The following RRAS variants were observed in gnomAD, a reference collection of about 807,000 sequenced individuals.
RRAS encodes ras-related protein R-Ras.
RRAS carries 18 observed loss-of-function variants against 23.3 expected under a neutral mutation model. The observed-to-expected ratio is 0.77, with a 90% CI of 0.53 to 1.15. The LOEUF (loss-of-function observed/expected upper bound fraction) is 1.15, where lower values mean the gene tolerates loss of function less well. Among genes scored for constraint, RRAS ranks in the 50% most tolerant of loss-of-function variants. The probability of loss-of-function intolerance (pLI) is 0.00; values close to 1 mark genes in which losing one functional copy is unlikely to be tolerated. For missense variants in RRAS, 291 were observed against 317.1 expected, an observed-to-expected ratio of 0.92 and a Z score of 0.62; for synonymous variants, 133 against 138.3, an observed-to-expected ratio of 0.96 and a Z score of 0.27.
Position 49,635,846 on chromosome 19 carries a change from G to T in RRAS, c.460C>A (p.Arg154=), listed in dbSNP as rs1476538262. ...ADLESQRQVP[R]SEASAFGASH... is the part of the protein sequence containing the mutation. The stretch of plus-strand genomic sequence containing the variant: ...GCGCCGAAGGCAGAGGCTTCTGATC[G>T]GGGGACCTGGGGGTAGGGGGGACAC... The change falls in exon 5 of 6, where the codon CGA becomes AGA. Residue 154 remains arginine (R), a synonymous_variant. Transcript: ENST00000246792. 1 of 1,554,474 alleles carries T rather than the reference G, an allele frequency of 6.4e-7. No homozygotes were observed. The highest frequency in any genetic ancestry group is 1.1e-5 in the South Asian group (1 of 88,634).
At position 49,640,076 on chromosome 19, in the gene RRAS, C is replaced by T. The variant is rs1204952035; in HGVS notation, c.23G>A (p.Gly8Glu). 1 of 1,411,596 alleles carries T rather than the reference C, an allele frequency of 7.1e-7. No individual in the cohort carries two copies. The highest frequency in any genetic ancestry group is 9.1e-7 in the Non-Finnish European group (1 of 1,096,468). 87.4% of individuals were successfully genotyped at this position (1,411,596 alleles called of 1,614,324 possible). Residue 8 changes from glycine to glutamate, a missense_variant, in exon 1 of 6, where the codon GGG (glycine) becomes GAG (glutamate). Gly to Glu is a moderately conservative substitution (Grantham distance 98). Transcript: ENST00000246792. MSSGAAS[G>E]TGRGRPRGGG... Reference sequence around the variant, plus strand: ...GCCCCGGGGCCGCCCCCGCCCTGTCCCGGACGCCGCCCCGCTGCTCATGTC... The same window carrying T: ...GCCCCGGGGCCGCCCCCGCCCTGTCTCGGACGCCGCCCCGCTGCTCATGTC...
intron 1 of RRAS, among the ~76,000 whole-genome samples, 171 bp from the exon 2 acceptor site, chr19:49,637,301 CTTTTT>C (rs11400258): frequency 2.9e-5 from 3 of 104,112 alleles, no homozygotes; most frequent in Admixed American, 2.3e-4. Context: ...CTCTCTGAGT[CTTTTT>C]TTTTTTTTTT....
intron 1 of RRAS, among the ~76,000 whole-genome samples, chr19:49,638,500 G>C (rs1455358146): frequency 6.6e-6 from 1 of 152,124 alleles, no homozygotes; most frequent in African/African-American, 2.4e-5. Context: ...TTCAGGAAAG[G>C]GGGTGATGTG....
At chr19:49,638,292 G>A (rs1019780471) in intron 1 of RRAS, among the ~76,000 whole-genome samples, 12 of 152,106 alleles carry the variant, frequency 7.9e-5, no homozygotes, top group African/African-American at 2.9e-4. Context: ...GGGGCCCAGG[G>A]CTGGGGCCTT....
At chr19:49,637,456 G>A (rs1245641887) in intron 1 of RRAS, among the ~76,000 whole-genome samples, 11 of 151,854 alleles carry the variant, frequency 7.2e-5, no homozygotes, top group African/African-American at 1.2e-4. Flanking sequence ...ACAGGCATGC[G>A]CCACCACACC....
At chr19:49,639,438 CAAAAAAAA>C (rs60691134) in intron 1 of RRAS, among the ~76,000 whole-genome samples, 18 of 120,410 alleles carry the variant, frequency 1.5e-4, no homozygotes, top group African/African-American at 5.7e-4. Flanking sequence ...GACTCTGTCT[CAAAAAAAA>C]AAAAAAAGAA....
In RRAS at chr19:49,635,850, G is replaced by T. The variant is rs769877634; in HGVS notation, c.456C>A (p.Val152=). ...NKADLESQRQ[V]PRSEASAFGA... ...CGAAGGCAGAGGCTTCTGATCGGGG[G>T]ACCTGGGGGTAGGGGGGACACGGGG... Residue 152 remains valine, a splice_region_variant and synonymous_variant, in exon 5 of 6, where the codon GTC becomes GTA. Transcript: ENST00000246792. 6.5e-6 allele frequency: 8 copies of T among 1,221,826 alleles called. No homozygotes were observed. The highest frequency in any genetic ancestry group is 3.6e-5 in the South Asian group (3 of 83,130). 75.7% of individuals were successfully genotyped at this position (1,221,826 alleles called of 1,614,324 possible). A position where few individuals can be genotyped will look rare whatever the true frequency, so the allele number is the denominator to read the frequency against.
intron 1 of RRAS, among the ~76,000 whole-genome samples, chr19:49,638,025 T>C (rs1257943208): frequency 1.3e-5 from 2 of 152,192 alleles, no homozygotes; most frequent in East Asian, 3.9e-4. Context: ...GGAGGCGTTG[T>C]TGTCCAGACT....
intron 1 of RRAS, 49 bp from the exon 2 acceptor site, chr19:49,637,179 A>ACG: frequency 1.4e-6 from 2 of 1,415,146 alleles, no homozygotes; most frequent in Non-Finnish European, 2.0e-6. Flanking sequence ...GGCAGACAGG[A>ACG]CGAAGCCCTG....
intron 1 of RRAS, among the ~76,000 whole-genome samples, chr19:49,638,407 C>T (rs2081006675): frequency 6.6e-6 from 1 of 152,156 alleles, no homozygotes; most frequent in African/African-American, 2.4e-5. Context: ...CATGTCAGGC[C>T]AAGACACTTT....
At position 49,636,576 on chromosome 19, in the gene RRAS, C is replaced by T. The variant is rs372572482; in HGVS notation, c.453+43G>A. ...GGGACAGGTGTGCTGGAAGGAGCCTCCCAGACTGAGATGGGGTCCCCAGAA... is the reference window on the plus strand; with the variant it reads ...GGGACAGGTGTGCTGGAAGGAGCCTTCCAGACTGAGATGGGGTCCCCAGAA... On this transcript the variant is annotated intron_variant, in intron 4 of 5. Transcript: ENST00000246792. The surrounding 1 kb of genome is among the most constrained non-coding windows in gnomAD (Gnocchi z 4.5). The T allele has an allele frequency of 1.2e-5, 17 of 1,415,906 alleles. No homozygotes were observed. Among genetic ancestry groups the T allele is most frequent in the African/African-American group, 1.4e-5 (1 of 70,998 alleles). The allele number at this position is 1,415,906 out of a possible 1,614,324, so 87.7% of individuals were successfully genotyped here. A position where few individuals can be genotyped will look rare whatever the true frequency, so the allele number is the denominator to read the frequency against.
chr19:49,637,086 G>A lies in RRAS; in HGVS notation c.198C>T (p.Tyr66=). ...SDYDPTIEDS[Y]TKICSVDGIP... ...TGCCATCCACACTGCAGATCTTCGT[G>A]TAGGAGTCCTCAATAGTGGGGTCGT... The change falls in exon 2 of 6, where the codon TAC becomes TAT. Residue 66 remains tyrosine (Y), a synonymous_variant. Transcript: ENST00000246792. 1.9e-6 allele frequency: 3 copies of A among 1,613,644 alleles called. No individual in the cohort carries two copies. The highest frequency in any genetic ancestry group is 1.1e-5 in the South Asian group (1 of 91,024).
chr19:49,639,923 C>A, intron 1 of RRAS, 23 bp downstream of exon 1: 1 of 1,567,160 alleles, frequency 6.4e-7, no homozygotes, highest in Non-Finnish European at 8.6e-7. Context: ...CGGGGGACAC[C>A]CTCCCGGGTG....
At position 49,635,845 on chromosome 19, in the gene RRAS, CG is replaced by C; in HGVS notation, c.460del (p.Arg154AspfsTer80). The C allele has an allele frequency of 3.6e-6, 2 of 548,356 alleles. No homozygotes were observed. Among genetic ancestry groups the C allele is most frequent in the Non-Finnish European group, 6.2e-6 (2 of 324,832 alleles). 34.0% of individuals were successfully genotyped at this position (548,356 alleles called of 1,614,324 possible). On this transcript the variant is annotated frameshift_variant, in exon 5 of 6. Transcript: ENST00000246792. LOFTEE classifies it high-confidence loss of function. Reference sequence around the variant, plus strand: ...GGCGCCGAAGGCAGAGGCTTCTGATCGGGGGACCTGGGGGTAGGGGGGACAC... The same window carrying C: ...GGCGCCGAAGGCAGAGGCTTCTGATCGGGGACCTGGGGGTAGGGGGGACAC... ...ADLESQRQVP[R>X]SEASAFGASH...
chr19:49,639,266 A>G (rs957259321), intron 1 of RRAS, among the ~76,000 whole-genome samples: 4 of 152,014 alleles, frequency 2.6e-5, no homozygotes, highest in African/African-American at 9.7e-5. Flanking sequence ...TCTACTAAAA[A>G]ATACAAAAAT....
Position 49,635,757 on chromosome 19 carries a change from A to C in RRAS, c.549T>G (p.Phe183Leu). The C allele has an allele frequency of 3.1e-6, 5 of 1,591,690 alleles. No individual in the cohort carries two copies. Among genetic ancestry groups the C allele is most frequent in the Non-Finnish European group, 3.4e-6 (4 of 1,162,672 alleles). The change falls in exon 5 of 6, where the codon TTT becomes TTG. Residue 183 changes from phenylalanine to leucine, a missense_variant. Transcript: ENST00000246792. Reference sequence around the variant, plus strand: ...ACCGGACAGCCCGCACCAGCTGCTCAAAAGCCTCGTCCACGTTGAGACGCA... The same window carrying C: ...ACCGGACAGCCCGCACCAGCTGCTCCAAAGCCTCGTCCACGTTGAGACGCA... ...AKLRLNVDEA[F>L]EQLVRAVRKY...
At chr19:49,635,699 G>A (rs1286281486) in intron 5 of RRAS, 35 bp downstream of exon 5, 3 of 1,534,266 alleles carry the variant, frequency 2.0e-6, no homozygotes, top group Non-Finnish European at 2.7e-6. Flanking sequence ...TGGAAGGGCT[G>A]GGGACAAGGA....
Position 49,640,052 on chromosome 19 carries a change from C to A in RRAS, c.47G>T (p.Gly16Val). 1 of 1,494,082 alleles carries A rather than the reference C, an allele frequency of 6.7e-7. No homozygotes were observed. The highest frequency in any genetic ancestry group is 8.8e-7 in the Non-Finnish European group (1 of 1,130,230). The allele number at this position is 1,494,082 out of a possible 1,614,324, so 92.6% of individuals were successfully genotyped here. A position where few individuals can be genotyped will look rare whatever the true frequency, so the allele number is the denominator to read the frequency against. Reference protein sequence around the residue: ...ASGTGRGRPRGGGPGPGDPPP... With the variant: ...ASGTGRGRPRVGGPGPGDPPP... ...GGGGTCCCCGGGCCCAGGTCCCCCGCCCCGGGGCCGCCCCCGCCCTGTCCC... is the reference window on the plus strand; with the variant it reads ...GGGGTCCCCGGGCCCAGGTCCCCCGACCCGGGGCCGCCCCCGCCCTGTCCC... The change falls in exon 1 of 6, where the codon GGC becomes GTC. Residue 16 changes from glycine (G) to valine (V), a missense_variant. Coordinates refer to ENST00000246792, the MANE Select transcript of RRAS (RefSeq NM_006270.5).
chr19:49,637,040 C>T lies in RRAS; in HGVS notation c.241+3G>A, dbSNP rs766535520. The T allele has an allele frequency of 1.2e-6, 2 of 1,613,530 alleles. No individual in the cohort carries two copies. Among genetic ancestry groups the T allele is most frequent in the Non-Finnish European group, 1.7e-6 (2 of 1,179,800 alleles). Reference sequence around the variant, plus strand: ...ATCCATCATCCATCCTTGCCGCCCTCACTGTCCAGCCGGGCTGGGATGCCA... The same window carrying T: ...ATCCATCATCCATCCTTGCCGCCCTTACTGTCCAGCCGGGCTGGGATGCCA... On this transcript the variant is annotated splice_donor_region_variant and intron_variant, in intron 2 of 5. Coordinates refer to ENST00000246792, the MANE Select transcript of RRAS (RefSeq NM_006270.5).
Sources: allele counts gnomAD v4.1 joint callset (sites outside exome capture counted in the v4.1 genomes callset), GRCh38; gene constraint gnomAD v4.1.1; non-coding constraint Gnocchi (gnomAD v3.1); transcripts MANE v1.5; gene names NCBI Gene and HGNC (gene_info 2026-07-23, HGNC 2026-07-21).